DPP6: variants seen among roughly 807,000 people sequenced by gnomAD.
DPP6 encodes A-type potassium channel modulatory protein DPP6.
A neutral mutation model predicts 122.6 loss-of-function variants in DPP6; 69 were observed. That is an observed-to-expected ratio of 0.56 (90% CI 0.46 to 0.69). The LOEUF (loss-of-function observed/expected upper bound fraction) is 0.69, where lower values mean the gene tolerates loss of function less well. Ranked by LOEUF, DPP6 falls within the 30% of genes least tolerant of loss-of-function variation. The pLI is 0.00. For missense variants in DPP6, 928 were observed against 1,116.9 expected, an observed-to-expected ratio of 0.83 and a Z score of 2.41; for synonymous variants, 418 against 433.1, an observed-to-expected ratio of 0.97 and a Z score of 0.43.
rs200728844 is a variant in DPP6, at chr7:154,753,238, G to A, written c.884-16179G>A. Among the ~76,000 whole-genome samples, 30 of 152,274 alleles carry A rather than the reference G, an allele frequency of 2.0e-4. No individual in the cohort carries two copies. In the East Asian group the frequency reaches 5.4e-3, roughly 27 times the overall value. On this transcript the variant is annotated intron_variant, in intron 8 of 25. Transcript: ENST00000377770. ...AGGGAATAAACGGGTGGTGCATGGA[G>A]CTGGTGTCACTCATTGATCAACGTG...
At chr7:154,352,665 G>T (rs1316867922) in intron 1 of DPP6, among the ~76,000 whole-genome samples, 2 of 151,780 alleles carry the variant, frequency 1.3e-5, no homozygotes, top group African/African-American at 4.8e-5. Flanking sequence ...TCATACACTG[G>T]GGCCTATTGG....
intron 1 of DPP6, among the ~76,000 whole-genome samples, chr7:153,964,779 C>CTCCTTTCCTT (rs200745389): frequency 1.1e-4 from 13 of 114,690 alleles, no homozygotes; most frequent in African/African-American, 2.5e-4. Flanking sequence ...TTCTCCGTGG[C>CTCCTTTCCTT]TCCTTTCCTT....
intron 2 of DPP6, among the ~76,000 whole-genome samples, chr7:154,461,201 AT>A (rs1011902620): frequency 8.5e-5 from 13 of 152,220 alleles, no homozygotes; most frequent in Admixed American, 4.6e-4. Context: ...AATCTCATTC[AT>A]TTTTTTGTGG....
At chr7:154,441,889 G>A (rs1487587212) in intron 1 of DPP6, among the ~76,000 whole-genome samples, 1 of 152,162 alleles carries the variant, frequency 6.6e-6, no homozygotes, top group East Asian at 1.9e-4. Flanking sequence ...TGTTTAAAAT[G>A]ACCAAACGAC....
chr7:154,293,951 G>A (rs1352414280), intron 1 of DPP6, among the ~76,000 whole-genome samples: 4 of 152,054 alleles, frequency 2.6e-5, no homozygotes, highest in East Asian at 1.9e-4. Flanking sequence ...CTTCCCTTAC[G>A]GAGCCCTCAG....
At chr7:153,944,875 T>G (rs1801875996) in intron 1 of DPP6, among the ~76,000 whole-genome samples, 1 of 151,968 alleles carries the variant, frequency 6.6e-6, no homozygotes, top group Non-Finnish European at 1.5e-5. Context: ...AGTTTCTTGT[T>G]TTTGAAAGAT....
chr7:154,227,228 A>ACACACACACACACACACACACACC (rs1443310749), intron 1 of DPP6, among the ~76,000 whole-genome samples: 1 of 151,778 alleles, frequency 6.6e-6, no homozygotes, highest in African/African-American at 2.4e-5. Context: ...ACACACACAC[A>ACACACACACACACACACACACACC]CACCCCTAGG....
At chr7:154,464,550 T>G (rs1280885441) in intron 2 of DPP6, among the ~76,000 whole-genome samples, 1 of 152,234 alleles carries the variant, frequency 6.6e-6, no homozygotes, top group East Asian at 1.9e-4. Flanking sequence ...ATTCACAATT[T>G]TATACTTAAA....
intron 16 of DPP6, among the ~76,000 whole-genome samples, chr7:154,813,966 C>T (rs891422595): frequency 5.5e-5 from 8 of 145,184 alleles, no homozygotes; most frequent in South Asian, 4.3e-4. Context: ...CTGCAACCTC[C>T]GCCTCCCAGG....
In DPP6 at chr7:154,513,682, C is replaced by A. The variant is rs550806010; in HGVS notation, c.458-26850C>A. Among the ~76,000 whole-genome samples the A allele has an allele frequency of 1.9e-4, 29 of 152,280 alleles. No individual in the cohort carries two copies. In the East Asian group the frequency reaches 5.6e-3, roughly 29 times the overall value. On this transcript the variant is annotated intron_variant, in intron 3 of 25. Transcript: ENST00000377770. Reference sequence around the variant, plus strand: ...CACCACCCAAAGCCCTGCACTGATTCCACCACAAGCTCCCAGTGGGGTCTG... The same window carrying A: ...CACCACCCAAAGCCCTGCACTGATTACACCACAAGCTCCCAGTGGGGTCTG...
intron 5 of DPP6, among the ~76,000 whole-genome samples, chr7:154,621,756 C>T (rs963379117): frequency 6.6e-6 from 1 of 152,112 alleles, no homozygotes; most frequent in Non-Finnish European, 1.5e-5. Context: ...CTTGGTTTCT[C>T]TTCCCTCCTC....
intron 1 of DPP6, among the ~76,000 whole-genome samples, chr7:154,060,774 GCT>G (rs1801714542): frequency 1.5e-5 from 2 of 130,000 alleles, no homozygotes; most frequent in Non-Finnish European, 3.3e-5. Flanking sequence ...TCCCCCCCTG[GCT>G]CTTAGGACGC....
At chr7:154,876,915 G>T (rs1804913616) in intron 20 of DPP6, 2 of 152,358 alleles carry the variant, frequency 1.3e-5, no homozygotes, top group South Asian at 2.1e-4. Context: ...TGACAAGAAG[G>T]CAGGGAGAAG....
intron 1 of DPP6, among the ~76,000 whole-genome samples, chr7:153,962,642 A>G (rs1332945462): frequency 6.6e-6 from 1 of 152,188 alleles, no homozygotes; most frequent in Non-Finnish European, 1.5e-5. Context: ...CCCGATGCTC[A>G]GGAAGTAAAC....
At chr7:154,013,989 G>C (rs112107977) in intron 1 of DPP6, among the ~76,000 whole-genome samples, 1 of 152,026 alleles carries the variant, frequency 6.6e-6, no homozygotes, top group Non-Finnish European at 1.5e-5. Context: ...TCAACTCCCA[G>C]GCTCTCTAAT....
rs1475449760 is a variant in DPP6 at position 154,893,362 on chromosome 7, G to T, written c.*882G>T. Reference sequence around the variant, plus strand: ...CACTCAGCTATGCTAGGGCTTGGCTGTAGGTGTGCACTGTCTATTTACATC... The same window carrying T: ...CACTCAGCTATGCTAGGGCTTGGCTTTAGGTGTGCACTGTCTATTTACATC... On this transcript the variant is annotated 3_prime_UTR_variant, in exon 26 of 26. Coordinates refer to ENST00000377770, the MANE Select transcript of DPP6 (RefSeq NM_130797.4). The T allele has an allele frequency of 5.7e-6, 1 of 175,944 alleles. No homozygotes were observed. Among genetic ancestry groups the T allele is most frequent in the African/African-American group, 2.5e-5 (1 of 40,166 alleles). The allele number at this position is 175,944 out of a possible 1,614,324, so 10.9% of individuals were successfully genotyped here.
the DPP6 span, among the ~76,000 whole-genome samples, chr7:153,797,698 T>C: frequency 6.6e-6 from 1 of 152,122 alleles, no homozygotes; most frequent in African/African-American, 2.4e-5. Flanking sequence ...TTCCCACAGT[T>C]CTGGAAGCTG....
chr7:154,747,938 A>G (rs996796061), intron 8 of DPP6, among the ~76,000 whole-genome samples: 4 of 152,248 alleles, frequency 2.6e-5, no homozygotes, highest in Non-Finnish European at 4.4e-5. Context: ...AGATTGGTTT[A>G]TAGTCACTGA....
intron 7 of DPP6, among the ~76,000 whole-genome samples, chr7:154,689,917 A>T (rs1839842160): frequency 1.3e-5 from 2 of 152,026 alleles, no homozygotes; most frequent in African/African-American, 2.4e-5. Flanking sequence ...TCTTTATTTG[A>T]CCTATAGAGA....
Sources: allele counts gnomAD v4.1 joint callset (sites outside exome capture counted in the v4.1 genomes callset), GRCh38; gene constraint gnomAD v4.1.1; transcripts MANE v1.5; gene names NCBI Gene and HGNC (gene_info 2026-07-23, HGNC 2026-07-21).